Variants in XKR6 observed in about 807,000 individuals in gnomAD.
XKR6 encodes the protein XK-related protein 6.
XKR6 carries 22 observed loss-of-function variants against 56.7 expected under a neutral mutation model. The observed-to-expected ratio is 0.39, with a 90% CI of 0.28 to 0.55. The LOEUF (loss-of-function observed/expected upper bound fraction) is 0.55, where lower values mean the gene tolerates loss of function less well. XKR6 is among the 20% of genes least tolerant of loss of function. The pLI, the probability that XKR6 is intolerant of heterozygous loss-of-function variation, is 0.66. For synonymous variants in XKR6, 524 were observed against 387.8 expected (o/e 1.35, Z -4.13); for missense variants, 852 against 889.0 (o/e 0.96, Z 0.53).
At chr8:10,981,924 G>A (rs1797744097) in intron 1 of XKR6, among the ~76,000 whole-genome samples, 1 of 152,218 alleles carries the variant, frequency 6.6e-6, no homozygotes, top group Non-Finnish European at 1.5e-5. Context: ...TTTAGGAAAA[G>A]CTCATGGCTT....
rs549323199 is a variant in XKR6, at chr8:11,145,224, A to C, written c.764+55352T>G. ...ATTTTCAGATATCTACATCATGCTC[A>C]ACTGGTAAGCATGATGCAAATACTC... On this transcript the variant is annotated intron_variant, in intron 1 of 2. Coordinates refer to ENST00000416569, the MANE Select transcript of XKR6 (RefSeq NM_173683.4). Among the ~76,000 whole-genome samples, 6 of 152,202 alleles carry C rather than the reference A, an allele frequency of 3.9e-5. No homozygotes were observed. The South Asian group carries it at 1.0e-3, about 26-fold the overall frequency.
intron 1 of XKR6, among the ~76,000 whole-genome samples, chr8:11,190,199 GAAAGA>G (rs757313242): frequency 0.014 from 865 of 59,672 alleles, 8 homozygotes; most frequent in African/African-American, 0.089. Flanking sequence ...AAGAAAGAAA[GAAAGA>G]AAAGAAAGAA....
In XKR6 at chr8:11,016,684, C is replaced by G. The variant is rs138208560; in HGVS notation, c.765-91854G>C. 6.2e-3 allele frequency among the ~76,000 whole-genome samples: 938 copies of G among 152,316 alleles called. 7 individuals are homozygous for G. Among genetic ancestry groups the G allele is most frequent in the African/African-American group, 0.022 (897 of 41,570 alleles). ...ATGACGACGCCCCAGGCCCCCGGCCCCGCCTCCGCCTCTGCCTCCGCGGCC... is the reference window on the plus strand; with the variant it reads ...ATGACGACGCCCCAGGCCCCCGGCCGCGCCTCCGCCTCTGCCTCCGCGGCC... On this transcript the variant is annotated intron_variant, in intron 1 of 2. Coordinates refer to ENST00000416569, the MANE Select transcript of XKR6 (RefSeq NM_173683.4).
chr8:11,123,827 C>T (rs753166328), intron 1 of XKR6: 1 of 456,252 alleles, frequency 2.2e-6, no homozygotes, highest in South Asian at 1.5e-5. Flanking sequence ...GAAATAAACA[C>T]ACCAAGGCAG....
intron 1 of XKR6, among the ~76,000 whole-genome samples, chr8:11,049,009 G>A (rs576691376): frequency 3.3e-5 from 5 of 152,338 alleles, no homozygotes; most frequent in Admixed American, 6.5e-5. Flanking sequence ...TGCTGAAGAC[G>A]AGTCGGAACA....
chr8:11,043,433 C>G (rs916581476), intron 1 of XKR6, among the ~76,000 whole-genome samples: 7 of 152,198 alleles, frequency 4.6e-5, no homozygotes, highest in African/African-American at 1.7e-4. Context: ...CGACCCTGAC[C>G]TCTTCCTCCT....
chr8:11,116,361 T>C (rs758079287), intron 1 of XKR6, among the ~76,000 whole-genome samples: 1 of 152,158 alleles, frequency 6.6e-6, no homozygotes, highest in African/African-American at 2.4e-5. Context: ...ACAGCTCAAC[T>C]CTTACTTGAC....
At chr8:11,071,301 A>G (rs909491959) in intron 1 of XKR6, among the ~76,000 whole-genome samples, 5 of 152,088 alleles carry the variant, frequency 3.3e-5, no homozygotes, top group African/African-American at 1.2e-4. Context: ...GTGCAATGGC[A>G]TGATCTCGGC....
chr8:10,940,167 G>A (rs1318912280), intron 1 of XKR6, among the ~76,000 whole-genome samples: 1 of 152,210 alleles, frequency 6.6e-6, no homozygotes, highest in East Asian at 1.9e-4. Context: ...ATTAGTGAAA[G>A]AAAGAAATGG....
chr8:10,972,917 C>A (rs1422488106), intron 1 of XKR6, among the ~76,000 whole-genome samples: 1 of 152,064 alleles, frequency 6.6e-6, no homozygotes, highest in East Asian at 1.9e-4. Flanking sequence ...AGAGCTATAC[C>A]AAGAGTCCTG....
At chr8:11,075,622 C>G (rs1023084575) in intron 1 of XKR6, among the ~76,000 whole-genome samples, 1 of 152,172 alleles carries the variant, frequency 6.6e-6, no homozygotes, top group Non-Finnish European at 1.5e-5. Flanking sequence ...CGGTAGCTCA[C>G]ATCTGTAATC....
chr8:11,143,634 A>G (rs1319925776), intron 1 of XKR6, among the ~76,000 whole-genome samples: 3 of 152,224 alleles, frequency 2.0e-5, no homozygotes, highest in Non-Finnish European at 4.4e-5. Flanking sequence ...AAGAAATGTA[A>G]AGAAGCAACT....
intron 1 of XKR6, among the ~76,000 whole-genome samples, chr8:11,102,865 C>CGAAG (rs1798536491): frequency 1.3e-5 from 2 of 152,198 alleles, no homozygotes; most frequent in African/African-American, 4.8e-5. Flanking sequence ...CACTTCCCTT[C>CGAAG]CATCACTGCC....
intron 1 of XKR6, among the ~76,000 whole-genome samples, chr8:11,166,488 G>C (rs3021500): frequency 0.58 from 87,850 of 152,058 alleles, 28,841 homozygotes; most frequent in African/African-American, 0.88. Flanking sequence ...TATAGCAGCC[G>C]TGATGGACTA....
chr8:11,198,748 C>T (rs1466905815), intron 1 of XKR6, among the ~76,000 whole-genome samples: 1 of 152,058 alleles, frequency 6.6e-6, no homozygotes, highest in Non-Finnish European at 1.5e-5. Context: ...GAATTTTAAC[C>T]TGACACCAAC....
intron 1 of XKR6, among the ~76,000 whole-genome samples, chr8:11,199,298 T>G (rs995470941): frequency 6.6e-6 from 1 of 152,248 alleles, no homozygotes; most frequent in Admixed American, 6.5e-5. Context: ...CTCTCATGAT[T>G]TGACTTAATT....
chr8:11,002,008 C>A lies in XKR6; in HGVS notation c.765-77178G>T, dbSNP rs1047665302. The stretch of plus-strand genomic sequence containing the variant: ...CAATGGGATTATAGAGATAAGTCTT[C>A]TCTTCTCCTTTAGGAAATGCCCTAA... On this transcript the variant is annotated intron_variant, in intron 1 of 2. Transcript: ENST00000416569. 4.6e-4 allele frequency among the ~76,000 whole-genome samples: 69 copies of A among 151,524 alleles called. 1 individual carries two copies. The highest frequency in any genetic ancestry group is 1.6e-3 in the African/African-American group (65 of 41,094).
At chr8:11,164,426 C>T (rs1034346154) in intron 1 of XKR6, among the ~76,000 whole-genome samples, 8 of 152,098 alleles carry the variant, frequency 5.3e-5, no homozygotes, top group African/African-American at 1.9e-4. Flanking sequence ...CCTGCATTTA[C>T]GTTATTCTAA....
intron 1 of XKR6, among the ~76,000 whole-genome samples, chr8:11,069,538 G>C (rs1351426754): frequency 6.6e-6 from 1 of 152,142 alleles, no homozygotes. Flanking sequence ...CTCATGATGG[G>C]TCATGTAAGA....
Sources: gnomAD v4.1 joint callset for allele counts (sites outside exome capture counted in the v4.1 genomes callset) on GRCh38, gnomAD v4.1.1 for gene constraint, MANE v1.5 for transcripts, NCBI Gene and HGNC (gene_info 2026-07-23, HGNC 2026-07-21) for gene names.